Variants in NDUFAF2 observed in about 807,000 individuals in gnomAD.
The protein encoded by NDUFAF2 is NADH:ubiquinone oxidoreductase complex assembly factor 2.
A neutral mutation model predicts 22.8 loss-of-function variants in NDUFAF2; 13 were observed. That is an observed-to-expected ratio of 0.57 (90% CI 0.37 to 0.91). The LOEUF is 0.91. NDUFAF2 is among the 40% of genes least tolerant of loss of function. The probability of loss-of-function intolerance (pLI) is 0.01; values close to 1 mark genes in which losing one functional copy is unlikely to be tolerated. For synonymous variants in NDUFAF2, 53 were observed against 64.2 expected, an observed-to-expected ratio of 0.83 and a Z score of 0.84; for missense variants, 162 against 195.2, an observed-to-expected ratio of 0.83 and a Z score of 1.01.
At chr5:61,086,321 T>A (rs1752505095) in intron 2 of NDUFAF2, among the ~76,000 whole-genome samples, 1 of 152,194 alleles carries the variant, frequency 6.6e-6, no homozygotes, top group Admixed American at 6.6e-5. Context: ...ATGCTGATTT[T>A]AAATTTTGTA....
chr5:61,151,790 G>A (rs896080140), intron 3 of NDUFAF2, among the ~76,000 whole-genome samples: 2 of 114,862 alleles, frequency 1.7e-5, no homozygotes, highest in South Asian at 3.3e-4. Flanking sequence ...GCAAAACTCC[G>A]TCTCAAAAAA....
chr5:61,147,431 TTCTTTC>T, intron 3 of NDUFAF2, among the ~76,000 whole-genome samples: 1 of 132,724 alleles, frequency 7.5e-6, no homozygotes, highest in Admixed American at 8.2e-5. Flanking sequence ...GTATTTTTTT[TTCTTTC>T]TTTTTTTTTT....
At chr5:61,128,441 C>T (rs1753065335) in intron 3 of NDUFAF2, among the ~76,000 whole-genome samples, 1 of 152,044 alleles carries the variant, frequency 6.6e-6, no homozygotes, top group Non-Finnish European at 1.5e-5. Context: ...GTACTGGTAC[C>T]AAAACAGAGA....
intron 1 of NDUFAF2, among the ~76,000 whole-genome samples, chr5:60,983,951 C>T (rs1361962580): frequency 1.3e-5 from 2 of 152,076 alleles, no homozygotes; most frequent in Non-Finnish European, 2.9e-5. Context: ...TCATTGGTAG[C>T]TTGATGGGGA....
intron 1 of NDUFAF2, among the ~76,000 whole-genome samples, chr5:61,017,448 CA>C (rs1282360346): frequency 6.6e-6 from 1 of 150,912 alleles, no homozygotes; most frequent in African/African-American, 2.4e-5. Flanking sequence ...ATGTTTGAGA[CA>C]AAAAAATGAA....
chr5:61,149,318 ATCTT>A (rs1406188353), intron 3 of NDUFAF2, among the ~76,000 whole-genome samples: 3 of 152,134 alleles, frequency 2.0e-5, no homozygotes. Flanking sequence ...ATACATAACT[ATCTT>A]AGGAAACATA....
intron 3 of NDUFAF2, among the ~76,000 whole-genome samples, chr5:61,151,303 A>C (rs1254972901): frequency 6.6e-6 from 1 of 152,192 alleles, no homozygotes; most frequent in Non-Finnish European, 1.5e-5. Context: ...ACATTTTTTG[A>C]AAGTTTTGAA....
At chr5:61,100,968 T>C (rs1752698541) in intron 3 of NDUFAF2, among the ~76,000 whole-genome samples, 1 of 152,148 alleles carries the variant, frequency 6.6e-6, no homozygotes, top group Admixed American at 6.6e-5. Flanking sequence ...TCCCAAATTT[T>C]AGCTTTCCAG....
At position 60,975,347 on chromosome 5, in the gene NDUFAF2, A is replaced by C. The variant is rs189468278; in HGVS notation, c.127+29965A>C. 8.7e-4 allele frequency among the ~76,000 whole-genome samples: 133 copies of C among 152,128 alleles called. 1 individual carries two copies. The highest frequency in any genetic ancestry group is 3.1e-3 in the African/African-American group (129 of 41,516). On this transcript the variant is annotated intron_variant, in intron 1 of 3. Coordinates refer to ENST00000296597, the MANE Select transcript of NDUFAF2 (RefSeq NM_174889.5). The stretch of plus-strand genomic sequence containing the variant: ...TAAGGATTTTTACCTAAGTAATTGG[A>C]AGGATAGAATTGTATCAGCTGAAAT...
chr5:60,971,972 G>A (rs2928244), intron 1 of NDUFAF2, among the ~76,000 whole-genome samples: 94,449 of 139,346 alleles, frequency 0.68, 32,028 homozygotes, highest in East Asian at 0.94. Context: ...AGACGGAGTC[G>A]TGCTCTGTCA....
chr5:60,996,646 C>CTTA (rs1218672844), intron 1 of NDUFAF2, among the ~76,000 whole-genome samples: 1 of 152,178 alleles, frequency 6.6e-6, no homozygotes, highest in African/African-American at 2.4e-5. Context: ...TGCCTTCAAG[C>CTTA]TTACTTGGAG....
At chr5:61,009,656 G>A (rs1465631464) in intron 1 of NDUFAF2, among the ~76,000 whole-genome samples, 1 of 151,954 alleles carries the variant, frequency 6.6e-6, no homozygotes, top group Non-Finnish European at 1.5e-5. Flanking sequence ...GCTAATTAGA[G>A]CTCTGTTCTC....
At chr5:60,982,857 C>T (rs1370006163) in intron 1 of NDUFAF2, among the ~76,000 whole-genome samples, 1 of 152,066 alleles carries the variant, frequency 6.6e-6, no homozygotes, top group East Asian at 1.9e-4. Context: ...CCGCAATAAA[C>T]ATACGTGTGC....
At chr5:60,971,566 C>T (rs1750830833) in intron 1 of NDUFAF2, among the ~76,000 whole-genome samples, 1 of 152,136 alleles carries the variant, frequency 6.6e-6, no homozygotes, top group African/African-American at 2.4e-5. Flanking sequence ...GGATTACAGG[C>T]GTGAGCCACC....
chr5:61,052,500 T>C (rs543526624), intron 1 of NDUFAF2, among the ~76,000 whole-genome samples: 36 of 152,070 alleles, frequency 2.4e-4, no homozygotes, highest in Admixed American at 1.0e-3. Flanking sequence ...TTAGTAGAGA[T>C]GGGGTTTCAC....
chr5:61,107,046 T>TAC (rs59521177), intron 3 of NDUFAF2, among the ~76,000 whole-genome samples: 6,143 of 123,938 alleles, frequency 0.05, 217 homozygotes, highest in Middle Eastern at 0.11. Flanking sequence ...TGGATAAATA[T>TAC]ACACACACAC....
At chr5:60,962,346 A>T (rs1172334025) in intron 1 of NDUFAF2, among the ~76,000 whole-genome samples, 1 of 152,160 alleles carries the variant, frequency 6.6e-6, no homozygotes, top group Non-Finnish European at 1.5e-5. Flanking sequence ...TTTATTACTC[A>T]GTGATTAATA....
At chr5:61,061,090 G>A (rs1056503792) in intron 1 of NDUFAF2, among the ~76,000 whole-genome samples, 4 of 152,134 alleles carry the variant, frequency 2.6e-5, no homozygotes, top group Admixed American at 2.6e-4. Context: ...GAAACCCTAG[G>A]AAGGCAGTAT....
chr5:61,101,890 A>G (rs1478686471), intron 3 of NDUFAF2, among the ~76,000 whole-genome samples: 1 of 152,152 alleles, frequency 6.6e-6, no homozygotes, highest in Non-Finnish European at 1.5e-5. Context: ...TTGCTAATGT[A>G]TTCATTCTTC....
Sources: allele counts gnomAD v4.1 joint callset (sites outside exome capture counted in the v4.1 genomes callset), GRCh38; gene constraint gnomAD v4.1.1; transcripts MANE v1.5; gene names NCBI Gene and HGNC (gene_info 2026-07-23, HGNC 2026-07-21).